MEP1B: variants seen among roughly 807,000 people sequenced by gnomAD.
The protein encoded by MEP1B is meprin A subunit beta.
Under a neutral mutation model 84.6 loss-of-function variants are expected in MEP1B, and 80 were observed. That is an observed-to-expected ratio of 0.95 (90% CI 0.79 to 1.14). The LOEUF is 1.14. Ranked by LOEUF, MEP1B falls within the 50% of genes most tolerant of loss-of-function variation. The probability of loss-of-function intolerance (pLI) is 0.00; values close to 1 mark genes in which losing one functional copy is unlikely to be tolerated. For missense variants in MEP1B, 766 were observed against 855.1 expected, an observed-to-expected ratio of 0.90 and a Z score of 1.30; for synonymous variants, 273 against 288.1, an observed-to-expected ratio of 0.95 and a Z score of 0.53.
In MEP1B at chr18:32,217,130, T is replaced by C; in HGVS notation, c.1886+13T>C. The C allele has an allele frequency of 1.9e-6, 3 of 1,612,072 alleles. No homozygotes were observed. Among genetic ancestry groups the C allele is most frequent in the Non-Finnish European group, 2.5e-6 (3 of 1,179,124 alleles). ...AAGCTGAGTGCAGGTAAGGATGATT[T>C]GAAAGAGATCTCTCCATTCTTTGGT... is the stretch of plus-strand genomic sequence containing the variant. On this transcript the variant is annotated intron_variant, in intron 13 of 14. Transcript: ENST00000269202.
rs776569875 is a variant in MEP1B, at chr18:32,213,197, A to G, written c.1217A>G (p.Lys406Arg). 2 of 1,614,020 alleles carry G rather than the reference A, an allele frequency of 1.2e-6. No homozygotes were observed. The highest frequency in any genetic ancestry group is 1.7e-6 in the Non-Finnish European group (2 of 1,179,880). The change falls in exon 11 of 15, where the codon AAA (lysine) becomes AGA (arginine). Residue 406 changes from lysine (K) to arginine (R), a missense_variant. Coordinates refer to ENST00000269202, the MANE Select transcript of MEP1B (RefSeq NM_005925.3). ...TTTAGAGTGGTGTTTGAAGGACGCA[A>G]AGGCTCTGGTGCATCACTGGGTGGT... Reference protein sequence around the residue: ...KKFRVVFEGRKGSGASLGGLS... With the variant: ...KKFRVVFEGRRGSGASLGGLS...
chr18:32,213,475 A>AT lies in MEP1B; in HGVS notation c.1496dup (p.Met499IlefsTer9), dbSNP rs756125250. ...GCCATGTCCTTGGCAACAAGCCACA[A>AT]TGACACTTTTGGATCAAAATCCTGA... On this transcript the variant is annotated frameshift_variant, in exon 11 of 15. Coordinates refer to ENST00000269202, the MANE Select transcript of MEP1B (RefSeq NM_005925.3). LOFTEE classifies it high-confidence loss of function. 1.2e-6 allele frequency: 2 copies of AT among 1,614,002 alleles called. No homozygotes were observed. The highest frequency in any genetic ancestry group is 2.2e-5 in the South Asian group (2 of 91,084).
Position 32,220,312 on chromosome 18 carries a change from A to C in MEP1B, c.*67A>C. ...GATTCTTCATCATGGATTTCGCCTA[A>C]GTGATATTACAGCCACCTCATTCTT... On this transcript the variant is annotated 3_prime_UTR_variant, in exon 15 of 15. Coordinates refer to ENST00000269202, the MANE Select transcript of MEP1B (RefSeq NM_005925.3). The C allele has an allele frequency of 6.9e-7, 1 of 1,457,944 alleles. No homozygotes were observed. The highest frequency in any genetic ancestry group is 9.5e-7 in the Non-Finnish European group (1 of 1,051,912). 90.3% of individuals were successfully genotyped at this position (1,457,944 alleles called of 1,614,324 possible). A position where few individuals can be genotyped will look rare whatever the true frequency, so the allele number is the denominator to read the frequency against.
At chr18:32,203,765 G>A (rs527793339) in intron 6 of MEP1B, among the ~76,000 whole-genome samples, 1 of 152,212 alleles carries the variant, frequency 6.6e-6, no homozygotes, top group South Asian at 2.1e-4. Flanking sequence ...GGAGGCCTCC[G>A]GAAGCTTATA....
At chr18:32,199,349 G>A (rs1280828163) in intron 5 of MEP1B, among the ~76,000 whole-genome samples, 1 of 152,194 alleles carries the variant, frequency 6.6e-6, no homozygotes, top group African/African-American at 2.4e-5. Flanking sequence ...TAAGTAAGAA[G>A]ATGGTCGAGA....
intron 5 of MEP1B, among the ~76,000 whole-genome samples, chr18:32,201,784 G>A (rs539027187): frequency 6.6e-6 from 1 of 152,130 alleles, no homozygotes; most frequent in African/African-American, 2.4e-5. Context: ...TCTGAACTTA[G>A]TGCCTTTTAC....
At chr18:32,198,572 T>C (rs1331244775) in intron 5 of MEP1B, among the ~76,000 whole-genome samples, 1 of 152,178 alleles carries the variant, frequency 6.6e-6, no homozygotes, top group Non-Finnish European at 1.5e-5. Context: ...TTTAGCCAGA[T>C]GCATCACGAT....
At chr18:32,198,715 C>T (rs553953574) in intron 5 of MEP1B, among the ~76,000 whole-genome samples, 3 of 152,024 alleles carry the variant, frequency 2.0e-5, no homozygotes, top group African/African-American at 7.2e-5. Flanking sequence ...AAGAACTTGT[C>T]GTGTATACTA....
chr18:32,197,782 T>C (rs890521370), intron 5 of MEP1B, among the ~76,000 whole-genome samples: 4 of 152,202 alleles, frequency 2.6e-5, no homozygotes, highest in Non-Finnish European at 4.4e-5. Context: ...TGCAGGTTTG[T>C]TACATGGGTG....
At chr18:32,206,398 T>C (rs1188606814) in intron 7 of MEP1B, among the ~76,000 whole-genome samples, 1 of 151,746 alleles carries the variant, frequency 6.6e-6, no homozygotes, top group Non-Finnish European at 1.5e-5. Flanking sequence ...CTGCCATCGT[T>C]GCTGGCCAAT....
chr18:32,190,103 C>G lies in MEP1B; in HGVS notation c.33C>G (p.Phe11Leu), dbSNP rs780831797. The change falls in exon 1 of 15, where the codon TTC becomes TTG. Residue 11 changes from phenylalanine (F) to leucine (L), a missense_variant. By Grantham distance (22) the Phe-to-Leu change is conservative. Coordinates refer to ENST00000269202, the MANE Select transcript of MEP1B (RefSeq NM_005925.3). ...TATGGAATCTGTCTTGGTTTCTGTT[C>G]TTGGATGCTCTTCTCGTGATTTCTG... is the stretch of plus-strand genomic sequence containing the variant. MDLWNLSWFL[F>L]LDALLVISGL... The G allele has an allele frequency of 3.1e-6, 5 of 1,613,260 alleles. No homozygotes were observed. Among genetic ancestry groups the G allele is most frequent in the Non-Finnish European group, 4.2e-6 (5 of 1,179,594 alleles).
At chr18:32,195,054 T>C (rs1220730402) in intron 4 of MEP1B, among the ~76,000 whole-genome samples, 2 of 152,220 alleles carry the variant, frequency 1.3e-5, no homozygotes, top group East Asian at 3.8e-4. Context: ...TATTGTGAGA[T>C]CCAGATTATC....
chr18:32,193,462 T>C (rs2040822663), intron 4 of MEP1B, among the ~76,000 whole-genome samples: 1 of 152,190 alleles, frequency 6.6e-6, no homozygotes, highest in African/African-American at 2.4e-5. Context: ...TATTGCCCAC[T>C]AGATTGAAAA....
chr18:32,215,888 T>C (rs1347568864), intron 12 of MEP1B, among the ~76,000 whole-genome samples: 1 of 151,418 alleles, frequency 6.6e-6, no homozygotes, highest in Non-Finnish European at 1.5e-5. Flanking sequence ...AATAAAAATA[T>C]CACACAAGCA....
intron 5 of MEP1B, among the ~76,000 whole-genome samples, chr18:32,201,799 T>C (rs922697527): frequency 6.6e-6 from 1 of 152,212 alleles, no homozygotes; most frequent in Non-Finnish European, 1.5e-5. Context: ...TTTTACAACT[T>C]ATGGATTTTA....
intron 4 of MEP1B, among the ~76,000 whole-genome samples, chr18:32,194,266 C>G (rs895078381): frequency 2.6e-5 from 4 of 152,126 alleles, no homozygotes; most frequent in African/African-American, 9.7e-5. Context: ...TTTCCATTAG[C>G]CTCCTAATTT....
intron 13 of MEP1B, among the ~76,000 whole-genome samples, chr18:32,217,482 T>A (rs1357112973): frequency 6.6e-6 from 1 of 152,160 alleles, no homozygotes; most frequent in Non-Finnish European, 1.5e-5. Context: ...CATGGGACAC[T>A]GAGAACTAAA....
At position 32,217,777 on chromosome 18, in the gene MEP1B, G is replaced by C; in HGVS notation, c.1903G>C (p.Asp635His). The change falls in exon 14 of 15, where the codon GAC (aspartate) becomes CAC (histidine). Residue 635 changes from aspartate (D) to histidine (H), a missense_variant. By Grantham distance (81) the Asp-to-His change is moderately conservative. Coordinates refer to ENST00000269202, the MANE Select transcript of MEP1B (RefSeq NM_005925.3). ...KAECRCQSGE[D>H]WWYMGERCEK... is the part of the protein sequence containing the mutation. ...AACATGCAGGTGCCAGTCAGGGGAA[G>C]ACTGGTGGTACATGGGAGAAAGGTG... 11 of 1,613,788 alleles carry C rather than the reference G, an allele frequency of 6.8e-6. No homozygotes were observed. The highest frequency in any genetic ancestry group is 9.3e-6 in the Non-Finnish European group (11 of 1,179,810).
At chr18:32,203,053 C>G (rs1046397602) in intron 6 of MEP1B, 43 bp downstream of exon 6, 1 of 1,147,800 alleles carries the variant, frequency 8.7e-7, no homozygotes, top group African/African-American at 1.5e-5. Context: ...AAGGAGAACT[C>G]TAGTGCCTGG....
Sources: allele counts gnomAD v4.1 joint callset (sites outside exome capture counted in the v4.1 genomes callset), GRCh38; gene constraint gnomAD v4.1.1; transcripts MANE v1.5; gene names NCBI Gene and HGNC (gene_info 2026-07-23, HGNC 2026-07-21).